The following MBP variants were observed in gnomAD, a reference collection of about 807,000 sequenced individuals.
MBP encodes myelin basic protein, also known as Golli-MBP.
A neutral mutation model predicts 35.8 loss-of-function variants in MBP; 16 were observed. That is an observed-to-expected ratio of 0.45 (90% confidence interval 0.30 to 0.68). The LOEUF (loss-of-function observed/expected upper bound fraction) is 0.68. Ranked by LOEUF, MBP falls within the 30% of genes least tolerant of loss-of-function variation. The probability of loss-of-function intolerance (pLI) is 0.08; values close to 1 mark genes in which losing one functional copy is unlikely to be tolerated. For synonymous variants in MBP, 143 were observed against 159.6 expected (o/e 0.90, Z 0.78); for missense variants, 380 against 404.7 (o/e 0.94, Z 0.52).
At chr18:77,127,319 G>A (rs1179399545) in intron 1 of MBP, 2 of 152,178 alleles carry the variant, frequency 1.3e-5, no homozygotes, top group Non-Finnish European at 2.9e-5. Flanking sequence ...GGAGCTATTG[G>A]ACATTCGTTG....
chr18:77,056,854 C>G (rs1973746057), intron 3 of MBP, among the ~76,000 whole-genome samples: 1 of 152,162 alleles, frequency 6.6e-6, no homozygotes, highest in South Asian at 2.1e-4. Flanking sequence ...ATGACATGGC[C>G]TCACTAAAGT....
intron 3 of MBP, among the ~76,000 whole-genome samples, chr18:77,032,369 C>T (rs1431536861): frequency 6.6e-6 from 1 of 152,256 alleles, no homozygotes; most frequent in Non-Finnish European, 1.5e-5. Context: ...TGAAAACTTT[C>T]CCACAAACGA....
intron 1 of MBP, among the ~76,000 whole-genome samples, chr18:77,118,702 A>AC (rs1050708522): frequency 7.6e-5 from 10 of 130,728 alleles, no homozygotes. Flanking sequence ...CACTCCACAC[A>AC]CCCCCCACAC....
chr18:77,103,506 T>TA (rs1195281132), intron 2 of MBP, among the ~76,000 whole-genome samples: 2 of 152,192 alleles, frequency 1.3e-5, no homozygotes, highest in Non-Finnish European at 2.9e-5. Context: ...GTTTAAAAAA[T>TA]AAAAAATGTT....
At chr18:77,001,912 G>T (rs1256238748) in intron 4 of MBP, among the ~76,000 whole-genome samples, 1 of 152,184 alleles carries the variant, frequency 6.6e-6, no homozygotes, top group Non-Finnish European at 1.5e-5. Flanking sequence ...CTCCCCTCAT[G>T]ATAGTGTTCT....
chr18:77,065,123 A>T (rs1245808728), intron 3 of MBP, among the ~76,000 whole-genome samples: 1 of 152,228 alleles, frequency 6.6e-6, no homozygotes, highest in African/African-American at 2.4e-5. Flanking sequence ...GATGAATGCT[A>T]AGATTATATC....
intron 3 of MBP, among the ~76,000 whole-genome samples, chr18:77,031,106 AAAG>A (rs543727556): frequency 2.0e-4 from 31 of 152,246 alleles, no homozygotes; most frequent in Admixed American, 3.3e-4. Flanking sequence ...CAGAAAATCA[AAAG>A]AAGGTGATAC....
chr18:76,995,015 A>G (rs556677631), intron 4 of MBP, among the ~76,000 whole-genome samples: 1 of 152,378 alleles, frequency 6.6e-6, no homozygotes, highest in South Asian at 2.1e-4. Context: ...GTAATGACCT[A>G]TCACTAAAAG....
chr18:77,118,534 CACAG>C (rs1251515950), intron 1 of MBP, among the ~76,000 whole-genome samples: 5 of 151,902 alleles, frequency 3.3e-5, no homozygotes, highest in African/African-American at 9.7e-5. Flanking sequence ...CACCAGGGTT[CACAG>C]ACAGAGACAG....
At chr18:76,999,054 T>C (rs1970488702) in intron 4 of MBP, among the ~76,000 whole-genome samples, 1 of 151,694 alleles carries the variant, frequency 6.6e-6, no homozygotes, top group Admixed American at 6.6e-5. Context: ...TTTCAATTTA[T>C]GGGGAGTGGG....
chr18:77,120,013 C>T (rs1976841027), intron 1 of MBP, among the ~76,000 whole-genome samples: 1 of 152,278 alleles, frequency 6.6e-6, no homozygotes, highest in South Asian at 2.1e-4. Context: ...AGACAGGGAC[C>T]CTAACAGGGT....
chr18:77,029,308 G>A (rs1272566714), intron 3 of MBP, among the ~76,000 whole-genome samples: 3 of 150,112 alleles, frequency 2.0e-5, no homozygotes, highest in South Asian at 2.1e-4. Context: ...GCACTCGGCA[G>A]GCTGAGGCAG....
At chr18:77,000,736 T>A (rs1375374919) in intron 4 of MBP, among the ~76,000 whole-genome samples, 1 of 152,178 alleles carries the variant, frequency 6.6e-6, no homozygotes, top group African/African-American at 2.4e-5. Flanking sequence ...TTTGTTTTTT[T>A]ATTCCCCTGC....
intron 7 of MBP, chr18:76,986,080 C>T (rs1477610834): frequency 1.4e-5 from 14 of 985,468 alleles, no homozygotes; most frequent in South Asian, 9.4e-5. Context: ...GCGCGGTGGA[C>T]GTTAACAATG....
rs189516174 is a variant in MBP, at chr18:77,010,055, G to A, written c.576+6777C>T. 2,108 of 658,364 alleles carry A rather than the reference G, an allele frequency of 3.2e-3. 7 individuals are homozygous for A. The highest frequency in any genetic ancestry group is 3.4e-3 in the Non-Finnish European group (1,241 of 366,310). 40.8% of individuals were successfully genotyped at this position (658,364 alleles called of 1,614,324 possible). ...CCAGAGTGAGGAGGAGTGAGCGGGG[G>A]GTGGAGGATGAAGGACGACAGGGAG... is the stretch of plus-strand genomic sequence containing the variant. On this transcript the variant is annotated intron_variant, in intron 4 of 8. Transcript: ENST00000355994.
At chr18:77,088,403 C>T (rs561396319) in intron 2 of MBP, among the ~76,000 whole-genome samples, 4 of 152,306 alleles carry the variant, frequency 2.6e-5, no homozygotes, top group African/African-American at 9.6e-5. Context: ...AACATTGTCA[C>T]GTTGGGTGCT....
chr18:76,999,874 G>A (rs1970537389), intron 4 of MBP, among the ~76,000 whole-genome samples: 1 of 152,160 alleles, frequency 6.6e-6, no homozygotes, highest in Non-Finnish European at 1.5e-5. Flanking sequence ...TGAGATTTGT[G>A]TCTTCTGGGC....
chr18:77,034,586 G>C (rs11663170), intron 3 of MBP, among the ~76,000 whole-genome samples: 48,027 of 152,122 alleles, frequency 0.32, 7,782 homozygotes, highest in South Asian at 0.45. Flanking sequence ...CTCCCACAGT[G>C]GAGCCTCCCG....
At chr18:77,088,185 A>T (rs758694605) in intron 2 of MBP, among the ~76,000 whole-genome samples, 8 of 152,034 alleles carry the variant, frequency 5.3e-5, no homozygotes, top group Admixed American at 2.0e-4. Flanking sequence ...GGTGCTATAA[A>T]CCACAGAAAA....
Sources: gnomAD v4.1 joint callset for allele counts (sites outside exome capture counted in the v4.1 genomes callset) on GRCh38, gnomAD v4.1.1 for gene constraint, MANE v1.5 for transcripts, NCBI Gene and HGNC (gene_info 2026-07-23, HGNC 2026-07-21) for gene names.